Variants in WIPF2 observed in about 807,000 individuals in gnomAD.
WIPF2 encodes the protein WAS/WASL interacting protein family member 2.
WIPF2 carries 23 observed loss-of-function variants against 38.8 expected under a neutral mutation model. That is an observed-to-expected ratio of 0.59 (90% CI 0.43 to 0.84). The LOEUF (loss-of-function observed/expected upper bound fraction) is 0.84. Ranked by LOEUF, WIPF2 falls within the 40% of genes least tolerant of loss-of-function variation. The pLI is 0.00. For missense variants in WIPF2, 574 were observed against 580.5 expected, an observed-to-expected ratio of 0.99 and a Z score of 0.11; for synonymous variants, 210 against 223.2, an observed-to-expected ratio of 0.94 and a Z score of 0.53.
chr17:40,265,709 A>T (rs1056838197), intron 5 of WIPF2, among the ~76,000 whole-genome samples: 1 of 152,140 alleles, frequency 6.6e-6, no homozygotes, highest in Non-Finnish European at 1.5e-5. Flanking sequence ...GCTGCAGGGG[A>T]GAGCGCACTG....
At chr17:40,263,544 C>T (rs1394930566) in intron 4 of WIPF2, among the ~76,000 whole-genome samples, 2 of 121,074 alleles carry the variant, frequency 1.7e-5, no homozygotes, top group Non-Finnish European at 3.3e-5. Flanking sequence ...TTTATTTATT[C>T]GTCCCCCCCC....
intron 1 of WIPF2, among the ~76,000 whole-genome samples, chr17:40,238,785 G>A (rs1339808851): frequency 6.6e-6 from 1 of 151,266 alleles, no homozygotes; most frequent in Non-Finnish European, 1.5e-5. Flanking sequence ...GCTAATTTTT[G>A]TATTTTTAGT....
At chr17:40,236,974 C>T (rs546741096) in intron 1 of WIPF2, among the ~76,000 whole-genome samples, 38 of 152,114 alleles carry the variant, frequency 2.5e-4, no homozygotes, top group African/African-American at 8.7e-4. Context: ...AGGATCTTGC[C>T]TTTATCCCTG....
intron 1 of WIPF2, among the ~76,000 whole-genome samples, chr17:40,253,224 A>G (rs997883055): frequency 2.6e-5 from 4 of 151,546 alleles, no homozygotes; most frequent in Admixed American, 1.3e-4. Flanking sequence ...CACCACACCC[A>G]GCTAATTTTT....
intron 5 of WIPF2, among the ~76,000 whole-genome samples, chr17:40,267,780 G>A (rs1431328376): frequency 6.6e-6 from 1 of 152,096 alleles, no homozygotes; most frequent in African/African-American, 2.4e-5. Context: ...CCTCAAGTGA[G>A]CCACTGCGCC....
In WIPF2 at chr17:40,260,584, G is replaced by A. The variant is rs2031865214; in HGVS notation, c.113G>A (p.Gly38Asp). Residue 38 changes from glycine (G) to aspartate (D), a missense_variant, in exon 3 of 8, where the codon GGC (glycine) becomes GAC (aspartate). Transcript: ENST00000323571. ...KLSRDEQRGR[G>D]ALLQDICKGT... ...AGTAGAGATGAGCAGCGGGGTCGAGGCGCCCTCTTACAGGACATTTGCAAA... is the reference window on the plus strand; with the variant it reads ...AGTAGAGATGAGCAGCGGGGTCGAGACGCCCTCTTACAGGACATTTGCAAA... The A allele has an allele frequency of 6.2e-6, 10 of 1,613,728 alleles. No homozygotes were observed. The South Asian group carries it at 6.6e-5, about 11-fold the overall frequency.
chr17:40,223,877 G>T (rs1417602209), intron 1 of WIPF2, among the ~76,000 whole-genome samples: 1 of 151,938 alleles, frequency 6.6e-6, no homozygotes, highest in Non-Finnish European at 1.5e-5. Context: ...GAGCCACCGC[G>T]CCCGGCCCGA....
chr17:40,250,450 C>T (rs562118085), intron 1 of WIPF2, among the ~76,000 whole-genome samples: 9 of 149,144 alleles, frequency 6.0e-5, no homozygotes, highest in Non-Finnish European at 1.0e-4. Context: ...AGGGTTTCAC[C>T]GTGTTGGACA....
In WIPF2 at chr17:40,264,927, C is replaced by G. The variant is rs2032034735; in HGVS notation, c.751C>G (p.Pro251Ala). The G allele has an allele frequency of 6.2e-7, 1 of 1,614,118 alleles. No individual in the cohort carries two copies. Among genetic ancestry groups the G allele is most frequent in the Non-Finnish European group, 8.5e-7 (1 of 1,180,040 alleles). Residue 251 changes from proline to alanine, a missense_variant, in exon 5 of 8, where the codon CCT (proline) becomes GCT (alanine). Transcript: ENST00000323571. ...TGPSGQSLAPPPPPYRQPPGV... is the reference protein window; with the variant it reads ...TGPSGQSLAPAPPPYRQPPGV... ...ACCAAGTGGCCAGTCTCTGGCTCCT[C>G]CTCCTCCGCCTTACCGCCAGCCTCC...
At position 40,219,394 on chromosome 17, in the gene WIPF2, G is replaced by GCGGCGACGA. The variant is rs2030066183; in HGVS notation, c.-160_-159insACGGCGACG. 2.4e-6 allele frequency: 1 copy of GCGGCGACGA among 415,932 alleles called. No individual in the cohort carries two copies. Among genetic ancestry groups the GCGGCGACGA allele is most frequent in the Non-Finnish European group, 4.6e-6 (1 of 219,368 alleles). The allele number at this position is 415,932 out of a possible 1,614,324, so 25.8% of individuals were successfully genotyped here. A position where few individuals can be genotyped will look rare whatever the true frequency, so the allele number is the denominator to read the frequency against. Reference sequence around the variant, plus strand: ...GGCGGCGGCGGCGGCGGCGGCGGCGGCGGCGACGGCGAGAAAGAGCTTGCC... The same window carrying GCGGCGACGA: ...GGCGGCGGCGGCGGCGGCGGCGGCGGCGGCGACGACGGCGACGGCGAGAAAGAGCTTGCC... On this transcript the variant is annotated 5_prime_UTR_variant, in exon 1 of 8. Transcript: ENST00000323571.
Position 40,278,300 on chromosome 17 carries a change from G to C in WIPF2, c.*75G>C. The C allele has an allele frequency of 6.4e-7, 1 of 1,551,776 alleles. No individual in the cohort carries two copies. Among genetic ancestry groups the C allele is most frequent in the East Asian group, 2.3e-5 (1 of 43,510 alleles). On this transcript the variant is annotated 3_prime_UTR_variant, in exon 8 of 8. Coordinates refer to ENST00000323571, the MANE Select transcript of WIPF2 (RefSeq NM_133264.5). Reference sequence around the variant, plus strand: ...CTCAGATGGTCCCTTCCATTCCCCTGAAACCTGCATGAGAGCTCCTAACAT... The same window carrying C: ...CTCAGATGGTCCCTTCCATTCCCCTCAAACCTGCATGAGAGCTCCTAACAT...
intron 6 of WIPF2, among the ~76,000 whole-genome samples, chr17:40,276,520 CAAAAAAAAA>C (rs1160459322): frequency 2.8e-5 from 2 of 71,626 alleles, no homozygotes; most frequent in South Asian, 1.2e-3. Flanking sequence ...GACTCCGTCT[CAAAAAAAAA>C]AAAAAAAAAA....
chr17:40,225,316 T>C (rs779315092), intron 1 of WIPF2, among the ~76,000 whole-genome samples: 15 of 151,684 alleles, frequency 9.9e-5, no homozygotes, highest in Non-Finnish European at 1.9e-4. Context: ...TTTCTTGATA[T>C]CTACAGAGGG....
intron 5 of WIPF2, among the ~76,000 whole-genome samples, chr17:40,267,486 A>G (rs1371050683): frequency 6.6e-6 from 1 of 152,188 alleles, no homozygotes; most frequent in Non-Finnish European, 1.5e-5. Flanking sequence ...TCGTTGTATC[A>G]TTAGACTTTG....
chr17:40,277,533 T>G (rs2032437764), intron 7 of WIPF2, among the ~76,000 whole-genome samples: 1 of 151,746 alleles, frequency 6.6e-6, no homozygotes, highest in Non-Finnish European at 1.5e-5. Context: ...TACAAAAGAT[T>G]AGCTGGGCGT....
Position 40,262,591 on chromosome 17 carries a change from T to G in WIPF2, c.263T>G (p.Phe88Cys). 1 of 1,614,012 alleles carries G rather than the reference T, an allele frequency of 6.2e-7. No homozygotes were observed. The highest frequency in any genetic ancestry group is 8.5e-7 in the Non-Finnish European group (1 of 1,179,912). Residue 88 changes from phenylalanine (F) to cysteine (C), a missense_variant, in exon 4 of 8, where the codon TTC becomes TGC. By Grantham distance (205) the Phe-to-Cys change is radical. Transcript: ENST00000323571. The part of the protein sequence containing the change: ...GAALQPKGGL[F>C]QGGVLKLRPV... ...GCCCTGCAGCCCAAGGGAGGTCTCT[T>G]CCAAGGAGGAGTGCTGAAGCTTCGA... is the stretch of plus-strand genomic sequence containing the variant.
Position 40,261,434 on chromosome 17 carries a change from A to AT in WIPF2, c.196+769dup, listed in dbSNP as rs2031897058. 2.0e-5 allele frequency among the ~76,000 whole-genome samples: 3 copies of AT among 151,414 alleles called. No individual in the cohort carries two copies. In the South Asian group the frequency reaches 6.2e-4, roughly 31 times the overall value. On this transcript the variant is annotated intron_variant, in intron 3 of 7. Coordinates refer to ENST00000323571, the MANE Select transcript of WIPF2 (RefSeq NM_133264.5). Reference sequence around the variant, plus strand: ...TGCCTCAGCCTGCCAAGTAGTTGGGATTATAGGCACGTGCCACCACGCCTG... The same window carrying AT: ...TGCCTCAGCCTGCCAAGTAGTTGGGATTTATAGGCACGTGCCACCACGCCTG...
At chr17:40,225,693 CTCTT>C (rs1159194241) in intron 1 of WIPF2, among the ~76,000 whole-genome samples, 1 of 152,166 alleles carries the variant, frequency 6.6e-6, no homozygotes, top group African/African-American at 2.4e-5. Context: ...GGATCTCTCT[CTCTT>C]GCCCAGGCTG....
In WIPF2 at chr17:40,222,780, C is replaced by T. The variant is rs530448405; in HGVS notation, c.-70+3288C>T. ...CCGCCTGCCGGATTCAAGCGCTTCT[C>T]CTGCCTCAGTCCCCCAAGTAACTGG... On this transcript the variant is annotated intron_variant, in intron 1 of 7. Coordinates refer to ENST00000323571, the MANE Select transcript of WIPF2 (RefSeq NM_133264.5). Among the ~76,000 whole-genome samples the T allele has an allele frequency of 1.8e-3, 256 of 144,082 alleles. 3 individuals are homozygous for T. Among genetic ancestry groups the T allele is most frequent in the African/African-American group, 6.1e-3 (239 of 38,864 alleles). The allele number at this position is 144,082 out of a possible 152,430, so 94.5% of individuals were successfully genotyped here.
Sources: allele counts gnomAD v4.1 joint callset (sites outside exome capture counted in the v4.1 genomes callset), GRCh38; gene constraint gnomAD v4.1.1; transcripts MANE v1.5; gene names NCBI Gene and HGNC (gene_info 2026-07-23, HGNC 2026-07-21).